LIN7A: variants seen among roughly 807,000 people sequenced by gnomAD.
LIN7A encodes protein lin-7 homolog A.
Under a neutral mutation model 29.8 loss-of-function variants are expected in LIN7A, and 25 were observed. The observed-to-expected ratio is 0.84, with a 90% CI of 0.61 to 1.17. The LOEUF (loss-of-function observed/expected upper bound fraction) is 1.17, where lower values mean the gene tolerates loss of function less well. Ranked by LOEUF, LIN7A falls within the 50% of genes most tolerant of loss-of-function variation. The pLI, the probability that LIN7A is intolerant of heterozygous loss-of-function variation, is 0.00. For missense variants in LIN7A, 239 were observed against 287.0 expected, an observed-to-expected ratio of 0.83 and a Z score of 1.21; for synonymous variants, 118 against 107.5, an observed-to-expected ratio of 1.10 and a Z score of -0.60.
chr12:80,897,671 G>C (rs1020400489), intron 1 of LIN7A, among the ~76,000 whole-genome samples: 1 of 152,134 alleles, frequency 6.6e-6, no homozygotes, highest in South Asian at 2.1e-4. Flanking sequence ...CCGGCGTGGT[G>C]GTGGGCGCTT....
chr12:80,827,662 T>A (rs1295137899), intron 4 of LIN7A, among the ~76,000 whole-genome samples: 2 of 152,184 alleles, frequency 1.3e-5, no homozygotes, highest in African/African-American at 4.8e-5. Flanking sequence ...GCATGTGTTT[T>A]CATGTTTCTA....
rs1028175223 is a variant in LIN7A, at chr12:80,794,756, G to A, written c.*2971C>T. 6.6e-6 allele frequency: 1 copy of A among 152,114 alleles called. No homozygotes were observed. Among genetic ancestry groups the A allele is most frequent in the Non-Finnish European group, 1.5e-5 (1 of 67,998 alleles). The allele number at this position is 152,114 out of a possible 1,614,324, so 9.4% of individuals were successfully genotyped here. ...AATTCCCTATTGACTACATGATTGAGGAAACACAAAAGTCTGTTATTCTTT... is the reference window on the plus strand; with the variant it reads ...AATTCCCTATTGACTACATGATTGAAGAAACACAAAAGTCTGTTATTCTTT... On this transcript the variant is annotated 3_prime_UTR_variant, in exon 6 of 6. Transcript: ENST00000552864.
intron 2 of LIN7A, among the ~76,000 whole-genome samples, chr12:80,874,457 G>A (rs189269725): frequency 5.8e-4 from 88 of 152,256 alleles, no homozygotes; most frequent in African/African-American, 2.1e-3. Context: ...ACAATGATTA[G>A]TAACTAAATT....
At chr12:80,907,278 T>C (rs1335439725) in intron 1 of LIN7A, among the ~76,000 whole-genome samples, 1 of 152,184 alleles carries the variant, frequency 6.6e-6, no homozygotes, top group Non-Finnish European at 1.5e-5. Context: ...ACCCTTTTTA[T>C]CTCCAGTGCC....
intron 4 of LIN7A, among the ~76,000 whole-genome samples, chr12:80,813,508 G>T (rs934401857): frequency 1.3e-5 from 2 of 151,976 alleles, no homozygotes; most frequent in Admixed American, 6.6e-5. Flanking sequence ...AATCTATTCA[G>T]GATACAATCA....
chr12:80,873,072 T>C (rs973467904), intron 2 of LIN7A, among the ~76,000 whole-genome samples: 1 of 152,206 alleles, frequency 6.6e-6, no homozygotes, highest in South Asian at 2.1e-4. Flanking sequence ...CACTGTTCTC[T>C]TTTTATGGCT....
At chr12:80,928,310 T>G (rs1565932967) in intron 1 of LIN7A, among the ~76,000 whole-genome samples, 2 of 152,132 alleles carry the variant, frequency 1.3e-5, no homozygotes, top group Non-Finnish European at 1.5e-5. Flanking sequence ...TTGAACCAAT[T>G]TACACTCCCA....
chr12:80,800,440 GATCGTGCCATTGCACTCCA>G (rs1423572061), intron 5 of LIN7A, among the ~76,000 whole-genome samples: 1 of 132,766 alleles, frequency 7.5e-6, no homozygotes, highest in Non-Finnish European at 1.5e-5. Flanking sequence ...AGTGAGCTGC[GATCGTGCCATTGCACTCCA>G]GCCTGGGCAG....
intron 2 of LIN7A, among the ~76,000 whole-genome samples, chr12:80,858,800 T>G (rs1181057696): frequency 6.6e-6 from 1 of 152,184 alleles, no homozygotes; most frequent in Non-Finnish European, 1.5e-5. Context: ...GCTTAGATAT[T>G]GGCTCAGCAG....
At chr12:80,916,521 T>C (rs1877038439) in intron 1 of LIN7A, among the ~76,000 whole-genome samples, 1 of 152,178 alleles carries the variant, frequency 6.6e-6, no homozygotes, top group African/African-American at 2.4e-5. Flanking sequence ...TCTCCAATTA[T>C]CCTGCTTGTT....
intron 4 of LIN7A, among the ~76,000 whole-genome samples, chr12:80,836,192 C>T (rs1052061656): frequency 7.9e-5 from 12 of 152,326 alleles, no homozygotes; most frequent in Middle Eastern, 3.4e-3. Flanking sequence ...TCAGCCTCAT[C>T]TTATCCCACT....
chr12:80,937,465 G>T (rs544754115), intron 1 of LIN7A, 176 bp downstream of exon 1: 13 of 417,622 alleles, frequency 3.1e-5, no homozygotes, highest in African/African-American at 2.2e-4. Context: ...GGAACGTAGC[G>T]GGGAGAGAAA....
chr12:80,873,268 A>C (rs1874511555), intron 2 of LIN7A, among the ~76,000 whole-genome samples: 1 of 152,152 alleles, frequency 6.6e-6, no homozygotes, highest in Non-Finnish European at 1.5e-5. Flanking sequence ...AGTGGCTCAC[A>C]CCTGTAATCC....
At chr12:80,934,188 C>T (rs1878077601) in intron 1 of LIN7A, among the ~76,000 whole-genome samples, 1 of 152,076 alleles carries the variant, frequency 6.6e-6, no homozygotes, top group African/African-American at 2.4e-5. Context: ...ATTTTAATCT[C>T]CCTCTCCTAG....
chr12:80,930,006 C>T (rs952260265), intron 1 of LIN7A, among the ~76,000 whole-genome samples: 2 of 152,072 alleles, frequency 1.3e-5, no homozygotes, highest in African/African-American at 4.8e-5. Flanking sequence ...ATCTTATAGC[C>T]ATGTTGTGAC....
chr12:80,845,618 G>C, intron 4 of LIN7A, 112 bp downstream of exon 4: 1 of 797,114 alleles, frequency 1.3e-6, no homozygotes, highest in East Asian at 2.6e-5. Flanking sequence ...AAGCTGGTTA[G>C]ACATAAAATG....
chr12:80,871,169 T>C (rs968390075), intron 2 of LIN7A, among the ~76,000 whole-genome samples: 2 of 152,102 alleles, frequency 1.3e-5, no homozygotes, highest in Admixed American at 1.3e-4. Flanking sequence ...TGCTGCCACA[T>C]TAGAGGATAA....
chr12:80,897,787 A>G (rs952817107), intron 1 of LIN7A, among the ~76,000 whole-genome samples: 2 of 152,192 alleles, frequency 1.3e-5, no homozygotes, highest in Admixed American at 1.3e-4. Flanking sequence ...CCTGGGCGAC[A>G]GAGTAAGACT....
At chr12:80,930,056 T>C (rs1319044193) in intron 1 of LIN7A, among the ~76,000 whole-genome samples, 8 of 152,200 alleles carry the variant, frequency 5.3e-5, no homozygotes, top group Admixed American at 2.0e-4. Context: ...GGTAATCCTT[T>C]GATTAATTTA....
Sources: gnomAD v4.1 joint callset for allele counts (sites outside exome capture counted in the v4.1 genomes callset) on GRCh38, gnomAD v4.1.1 for gene constraint, MANE v1.5 for transcripts, NCBI Gene and HGNC (gene_info 2026-07-23, HGNC 2026-07-21) for gene names.